ADAMTSL3: variants seen among roughly 807,000 people sequenced by gnomAD.
ADAMTSL3 encodes ADAMTS like 3.
A neutral mutation model predicts 201.7 loss-of-function variants in ADAMTSL3; 128 were observed. The observed-to-expected ratio is 0.63, with a 90% CI of 0.55 to 0.73. The LOEUF is 0.73. Among genes scored for constraint, ADAMTSL3 ranks in the 30% least tolerant of loss-of-function variants. The pLI, the probability that ADAMTSL3 is intolerant of heterozygous loss-of-function variation, is 0.00. For synonymous variants in ADAMTSL3, 738 were observed against 748.4 expected (o/e 0.99, Z 0.23); for missense variants, 1,990 against 2,119.6 (o/e 0.94, Z 1.20).
At chr15:83,871,213 G>T (rs535717001) in intron 9 of ADAMTSL3, among the ~76,000 whole-genome samples, 2 of 152,216 alleles carry the variant, frequency 1.3e-5, no homozygotes, top group Admixed American at 6.5e-5. Flanking sequence ...TATAATCTCT[G>T]GTTGCTTTGT....
At chr15:83,917,189 A>C (rs528098598) in intron 16 of ADAMTSL3, among the ~76,000 whole-genome samples, 1 of 152,226 alleles carries the variant, frequency 6.6e-6, no homozygotes, top group African/African-American at 2.4e-5. Context: ...ACAAATTACA[A>C]GTTTCTGAAA....
intron 2 of ADAMTSL3, among the ~76,000 whole-genome samples, chr15:83,679,205 T>G (rs1335762947): frequency 6.6e-6 from 1 of 152,098 alleles, no homozygotes; most frequent in Non-Finnish European, 1.5e-5. Flanking sequence ...ATATCTTCTA[T>G]TTCTTTTATG....
At chr15:84,019,620 G>A (rs1053157002) in intron 25 of ADAMTSL3, among the ~76,000 whole-genome samples, 5 of 152,152 alleles carry the variant, frequency 3.3e-5, no homozygotes, top group Non-Finnish European at 4.4e-5. Context: ...AAGGCCGGGC[G>A]CAGTGGCTCA....
At chr15:83,824,042 CTTTT>C (rs1479110413) in intron 6 of ADAMTSL3, among the ~76,000 whole-genome samples, 1 of 135,948 alleles carries the variant, frequency 7.4e-6, no homozygotes, top group Non-Finnish European at 1.6e-5. Context: ...TTCTTTTTTT[CTTTT>C]TCTTTTTTTT....
At chr15:83,693,350 G>C (rs2061638644) in intron 2 of ADAMTSL3, among the ~76,000 whole-genome samples, 1 of 152,218 alleles carries the variant, frequency 6.6e-6, no homozygotes, top group African/African-American at 2.4e-5. Flanking sequence ...ACTGGTCCAG[G>C]AGGCAGGAGG....
intron 15 of ADAMTSL3, among the ~76,000 whole-genome samples, chr15:83,911,107 T>C (rs907483546): frequency 8.5e-5 from 13 of 152,172 alleles, no homozygotes; most frequent in African/African-American, 3.1e-4. Context: ...AGGTAAAATA[T>C]GCACATGCTT....
intron 9 of ADAMTSL3, among the ~76,000 whole-genome samples, chr15:83,873,199 G>A (rs780232906): frequency 6.9e-6 from 1 of 144,550 alleles, no homozygotes; most frequent in African/African-American, 2.7e-5. Context: ...AGCCACTCAG[G>A]GGGCTGAGGC....
At chr15:83,655,371 G>T (rs1322912628) in intron 1 of ADAMTSL3, among the ~76,000 whole-genome samples, 3 of 152,208 alleles carry the variant, frequency 2.0e-5, no homozygotes, top group Non-Finnish European at 2.9e-5. Context: ...TTTGCCGCGA[G>T]CAGCAGAAGC....
intron 13 of ADAMTSL3, among the ~76,000 whole-genome samples, chr15:83,895,173 T>G (rs1373066565): frequency 6.6e-6 from 1 of 152,198 alleles, no homozygotes; most frequent in African/African-American, 2.4e-5. Context: ...CATGTGATGG[T>G]CTATCATCAA....
At chr15:83,742,243 T>C (rs1181600753) in intron 3 of ADAMTSL3, among the ~76,000 whole-genome samples, 1 of 152,046 alleles carries the variant, frequency 6.6e-6, no homozygotes, top group Non-Finnish European at 1.5e-5. Flanking sequence ...CAGTATTGAA[T>C]CAAAGGAAAA....
At chr15:83,715,645 A>G (rs1481919355) in intron 3 of ADAMTSL3, among the ~76,000 whole-genome samples, 1 of 152,216 alleles carries the variant, frequency 6.6e-6, no homozygotes, top group African/African-American at 2.4e-5. Context: ...GTAAATGCAC[A>G]ACGAGCATAT....
chr15:83,776,626 A>T (rs2063078477), intron 4 of ADAMTSL3, among the ~76,000 whole-genome samples: 1 of 152,146 alleles, frequency 6.6e-6, no homozygotes, highest in African/African-American at 2.4e-5. Context: ...CTAAGGCAGG[A>T]GAATTGCTTG....
chr15:83,827,459 G>C (rs1411885644), intron 6 of ADAMTSL3, among the ~76,000 whole-genome samples: 1 of 152,118 alleles, frequency 6.6e-6, no homozygotes, highest in East Asian at 1.9e-4. Flanking sequence ...CATTCTATAG[G>C]TTGCCTGTTC....
chr15:83,834,275 T>C (rs2064217709), intron 6 of ADAMTSL3, among the ~76,000 whole-genome samples: 1 of 152,178 alleles, frequency 6.6e-6, no homozygotes, highest in Admixed American at 6.5e-5. Context: ...TCACTTAGAC[T>C]CATATTTCAT....
At chr15:83,681,795 C>G (rs1425852574) in intron 2 of ADAMTSL3, among the ~76,000 whole-genome samples, 1 of 152,132 alleles carries the variant, frequency 6.6e-6, no homozygotes, top group African/African-American at 2.4e-5. Flanking sequence ...GTTCCCGTCT[C>G]CCCTGTGCCC....
At chr15:83,745,124 C>T (rs1029879886) in intron 3 of ADAMTSL3, among the ~76,000 whole-genome samples, 8 of 152,196 alleles carry the variant, frequency 5.3e-5, no homozygotes, top group East Asian at 1.9e-4. Flanking sequence ...CAGAGAGAAG[C>T]GGCTTGACTT....
rs762469303 is a variant in ADAMTSL3 at position 83,970,614 on chromosome 15, C to T, written c.2621C>T (p.Ser874Phe). Reference sequence around the variant, plus strand: ...CTACCAGGGCTCCCTCTTGTAAGATCTTGCCAGATGCCTGAGTGCAGTAGT... The same window carrying T: ...CTACCAGGGCTCCCTCTTGTAAGATTTTGCCAGATGCCTGAGTGCAGTAGT... ...RDLPGLPLVRSCQMPECSKIK... is the reference protein window; with the variant it reads ...RDLPGLPLVRFCQMPECSKIK... The change falls in exon 20 of 30, where the codon TCT (serine) becomes TTT (phenylalanine). Residue 874 changes from serine (S) to phenylalanine (F), a missense_variant. By Grantham distance (155) the Ser-to-Phe change is radical. Transcript: ENST00000286744. 3 of 1,614,114 alleles carry T rather than the reference C, an allele frequency of 1.9e-6. No homozygotes were observed. Among genetic ancestry groups the T allele is most frequent in the African/African-American group, 2.7e-5 (2 of 74,950 alleles).
At chr15:83,778,966 A>G (rs749695016) in intron 4 of ADAMTSL3, among the ~76,000 whole-genome samples, 1 of 152,208 alleles carries the variant, frequency 6.6e-6, no homozygotes, top group Non-Finnish European at 1.5e-5. Context: ...AGAGGTTGCA[A>G]TCCTGGTTTC....
chr15:83,946,405 GT>G (rs1264406824), intron 19 of ADAMTSL3, among the ~76,000 whole-genome samples: 2 of 152,192 alleles, frequency 1.3e-5, no homozygotes, highest in Admixed American at 1.3e-4. Context: ...CTTCTGTGAA[GT>G]TTTCCACTTC....
Sources: gnomAD v4.1 joint callset for allele counts (sites outside exome capture counted in the v4.1 genomes callset) on GRCh38, gnomAD v4.1.1 for gene constraint, MANE v1.5 for transcripts, NCBI Gene and HGNC (gene_info 2026-07-23, HGNC 2026-07-21) for gene names.